EBF1: variants seen among roughly 807,000 people sequenced by gnomAD.
EBF1 encodes the protein transcription factor COE1.
In EBF1, 10 loss-of-function variants were observed where a neutral mutation model predicts 68.4. That is an observed-to-expected ratio of 0.15 (90% CI 0.09 to 0.25). The LOEUF (loss-of-function observed/expected upper bound fraction) is 0.25, where lower values mean the gene tolerates loss of function less well. Ranked by LOEUF, EBF1 falls within the 10% of genes least tolerant of loss-of-function variation. EBF1 has a pLI of 1.00. For missense variants in EBF1, 509 were observed against 794.4 expected (o/e 0.64, Z 4.32); for synonymous variants, 298 against 299.8 (o/e 0.99, Z 0.06).
chr5:158,930,273 T>G (rs985100826), intron 6 of EBF1, among the ~76,000 whole-genome samples: 4 of 38,866 alleles, frequency 1.0e-4, no homozygotes, highest in Non-Finnish European at 2.7e-4. Flanking sequence ...TTTTTTTTTG[T>G]TTGTTTTTTT....
intron 6 of EBF1, among the ~76,000 whole-genome samples, chr5:159,044,959 G>C (rs1772034869): frequency 6.6e-6 from 1 of 152,112 alleles, no homozygotes; most frequent in African/African-American, 2.4e-5. Flanking sequence ...AGATTCAAAA[G>C]AAGGGGAAAA....
intron 6 of EBF1, among the ~76,000 whole-genome samples, chr5:159,049,498 G>GA (rs560667779): frequency 5.9e-4 from 90 of 152,306 alleles, no homozygotes; most frequent in African/African-American, 2.1e-3. Flanking sequence ...ACTATGAAAG[G>GA]AAAAACTCAC....
chr5:159,070,375 T>C (rs961809034), intron 6 of EBF1, among the ~76,000 whole-genome samples: 1 of 152,206 alleles, frequency 6.6e-6, no homozygotes, highest in Non-Finnish European at 1.5e-5. Flanking sequence ...GTGCATGCCA[T>C]AAGGATGAAG....
At chr5:158,764,194 A>G (rs1772140255) in intron 10 of EBF1, among the ~76,000 whole-genome samples, 2 of 152,222 alleles carry the variant, frequency 1.3e-5, no homozygotes, top group African/African-American at 4.8e-5. Flanking sequence ...TCATGATTCT[A>G]GAGCTCTATA....
At chr5:158,881,830 C>A (rs947241801) in intron 6 of EBF1, among the ~76,000 whole-genome samples, 1 of 152,280 alleles carries the variant, frequency 6.6e-6, no homozygotes, top group African/African-American at 2.4e-5. Context: ...TACACTGCAC[C>A]CCAACCAGCA....
intron 11 of EBF1, among the ~76,000 whole-genome samples, chr5:158,728,246 G>A (rs1173895157): frequency 6.6e-6 from 1 of 152,156 alleles, no homozygotes; most frequent in Non-Finnish European, 1.5e-5. Flanking sequence ...GCTTCCTGGG[G>A]TGGGCTCCGG....
chr5:158,859,624 C>A (rs1290366978), intron 6 of EBF1, among the ~76,000 whole-genome samples: 6 of 152,210 alleles, frequency 3.9e-5, no homozygotes, highest in Non-Finnish European at 8.8e-5. Context: ...ACCTCCAAAG[C>A]TGCCCCTCAC....
chr5:158,991,231 C>A (rs992289735), intron 6 of EBF1, among the ~76,000 whole-genome samples: 3 of 152,132 alleles, frequency 2.0e-5, no homozygotes, highest in Non-Finnish European at 4.4e-5. Context: ...ATAGAAAGCA[C>A]TTGATAAATG....
At chr5:158,814,574 C>T (rs1783350202) in intron 8 of EBF1, among the ~76,000 whole-genome samples, 1 of 152,174 alleles carries the variant, frequency 6.6e-6, no homozygotes, top group African/African-American at 2.4e-5. Flanking sequence ...AAACTAGCCT[C>T]CCTATATCCA....
intron 6 of EBF1, among the ~76,000 whole-genome samples, chr5:159,020,325 A>T (rs1214745261): frequency 6.6e-6 from 1 of 152,178 alleles, no homozygotes; most frequent in East Asian, 1.9e-4. Context: ...TGGCCGCAAG[A>T]GGCTCTAAGT....
intron 8 of EBF1, among the ~76,000 whole-genome samples, chr5:158,807,242 G>A (rs1003561319): frequency 2.0e-5 from 3 of 152,100 alleles, no homozygotes; most frequent in Non-Finnish European, 4.4e-5. Flanking sequence ...TCCCTCCAAT[G>A]AGGAGCACAA....
At chr5:158,804,332 C>T (rs933370314) in intron 8 of EBF1, among the ~76,000 whole-genome samples, 2 of 151,920 alleles carry the variant, frequency 1.3e-5, no homozygotes, top group African/African-American at 2.4e-5. Flanking sequence ...ATAGACTAAG[C>T]CCAAATTATA....
At chr5:158,919,989 G>A (rs1315980256) in intron 6 of EBF1, among the ~76,000 whole-genome samples, 1 of 152,080 alleles carries the variant, frequency 6.6e-6, no homozygotes, top group Non-Finnish European at 1.5e-5. Context: ...TCAGATCTCT[G>A]AAAACTGTCT....
chr5:158,795,752 A>C (rs141465979), intron 9 of EBF1, among the ~76,000 whole-genome samples: 12 of 152,342 alleles, frequency 7.9e-5, no homozygotes, highest in Middle Eastern at 3.4e-3. Context: ...GTACTGCACA[A>C]TTAGAACATA....
intron 10 of EBF1, among the ~76,000 whole-genome samples, chr5:158,762,102 C>A (rs940282504): frequency 2.6e-5 from 4 of 152,066 alleles, no homozygotes; most frequent in Non-Finnish European, 5.9e-5. Flanking sequence ...TACCTCAACC[C>A]CCATTTACAT....
chr5:159,071,258 C>T (rs1777747372), intron 6 of EBF1, among the ~76,000 whole-genome samples: 1 of 152,184 alleles, frequency 6.6e-6, no homozygotes. Flanking sequence ...TAAACATATG[C>T]TGTGGGGCTT....
At chr5:158,953,164 C>T (rs1027475769) in intron 6 of EBF1, among the ~76,000 whole-genome samples, 1 of 152,152 alleles carries the variant, frequency 6.6e-6, no homozygotes, top group African/African-American at 2.4e-5. Flanking sequence ...GCTAACTACA[C>T]CAGTAAACAG....
intron 5 of EBF1, among the ~76,000 whole-genome samples, chr5:159,078,224 C>T (rs1779137512): frequency 6.6e-6 from 1 of 152,154 alleles, no homozygotes; most frequent in Non-Finnish European, 1.5e-5. Flanking sequence ...TGTGAGTTCT[C>T]CCTTTTCAGG....
In EBF1 at chr5:158,761,023, C is replaced by T. The variant is rs72810387; in HGVS notation, c.1036+16390G>A. 4.4e-3 allele frequency among the ~76,000 whole-genome samples: 674 copies of T among 152,212 alleles called. 1 individual carries two copies. Among genetic ancestry groups the T allele is most frequent in the Non-Finnish European group, 7.2e-3 (491 of 68,006 alleles). On this transcript the variant is annotated intron_variant, in intron 10 of 15. Transcript: ENST00000313708. The stretch of plus-strand genomic sequence containing the variant: ...TAGCCAAAGAAAAGTTTAACATAAC[C>T]CTGTGCTTGCAAAATAAAAGTGCAA...
Sources: allele counts gnomAD v4.1 joint callset (sites outside exome capture counted in the v4.1 genomes callset), GRCh38; gene constraint gnomAD v4.1.1; transcripts MANE v1.5; gene names NCBI Gene and HGNC (gene_info 2026-07-23, HGNC 2026-07-21).